Variants in PHKB observed in about 807,000 individuals in gnomAD.
PHKB encodes phosphorylase b kinase regulatory subunit beta.
PHKB carries 122 observed loss-of-function variants against 152.1 expected under a neutral mutation model. The observed-to-expected ratio is 0.80, with a 90% CI of 0.69 to 0.93. PHKB has a LOEUF of 0.93. Ranked by LOEUF, PHKB falls within the 40% of genes least tolerant of loss-of-function variation. PHKB has a pLI of 0.00. For synonymous variants in PHKB, 436 were observed against 464.9 expected (o/e 0.94, Z 0.80); for missense variants, 1,304 against 1,328.4 (o/e 0.98, Z 0.29).
At chr16:47,693,727 G>T (rs901917340) in intron 28 of PHKB, among the ~76,000 whole-genome samples, 3 of 152,026 alleles carry the variant, frequency 2.0e-5, no homozygotes, top group Non-Finnish European at 4.4e-5. Flanking sequence ...GTCCCTGTAG[G>T]CAGAAAAGGC....
At position 47,645,650 on chromosome 16, in the gene PHKB, T is replaced by A. The variant is rs1034204015; in HGVS notation, c.1609-2883T>A. Among the ~76,000 whole-genome samples the A allele has an allele frequency of 3.2e-4, 49 of 151,958 alleles. No individual in the cohort carries two copies. In the Middle Eastern group the frequency reaches 0.02, roughly 63 times the overall value. On this transcript the variant is annotated intron_variant, in intron 16 of 30. Coordinates refer to ENST00000323584, the MANE Select transcript of PHKB (RefSeq NM_000293.3). ...TATAGTTTGAAGTCAGGTAGTGTGATGCCTCCAGCTTTGTTCTTTTGGCTT... is the reference window on the plus strand; with the variant it reads ...TATAGTTTGAAGTCAGGTAGTGTGAAGCCTCCAGCTTTGTTCTTTTGGCTT...
chr16:47,652,400 T>C (rs1170611843), intron 20 of PHKB, among the ~76,000 whole-genome samples: 3 of 147,446 alleles, frequency 2.0e-5, no homozygotes, highest in African/African-American at 7.6e-5. Context: ...TTTTTTTTAA[T>C]ACATACACAG....
intron 25 of PHKB, chr16:47,665,867 A>G (rs748522298): frequency 1.0e-6 from 1 of 976,460 alleles, no homozygotes; most frequent in Non-Finnish European, 1.7e-6. Context: ...TTTAAAGACT[A>G]CCCAATCAGG....
At chr16:47,680,141 C>G (rs1973820766) in intron 26 of PHKB, among the ~76,000 whole-genome samples, 4 of 152,126 alleles carry the variant, frequency 2.6e-5, no homozygotes, top group Non-Finnish European at 4.4e-5. Context: ...GGTTGATAGG[C>G]TTTTTGATGT....
intron 13 of PHKB, among the ~76,000 whole-genome samples, chr16:47,605,662 A>AAGTT (rs1168772383): frequency 1.3e-5 from 2 of 152,184 alleles, no homozygotes; most frequent in African/African-American, 4.8e-5. Context: ...TAGTACATTA[A>AAGTT]AGTTATATGT....
At chr16:47,634,788 AT>A (rs1030224974) in intron 14 of PHKB, among the ~76,000 whole-genome samples, 1 of 152,194 alleles carries the variant, frequency 6.6e-6, no homozygotes, top group Non-Finnish European at 1.5e-5. Flanking sequence ...AGAAGGGAGA[AT>A]AAGAAAGCAG....
In PHKB at chr16:47,502,906, ATAGT is replaced by A; in HGVS notation, c.306-82_306-79del. 5 of 831,052 alleles carry A rather than the reference ATAGT, an allele frequency of 6.0e-6. No homozygotes were observed. The South Asian group carries it at 7.1e-5, about 12-fold the overall frequency. 51.5% of individuals were successfully genotyped at this position (831,052 alleles called of 1,614,324 possible). ...ATCACCAGAACACAGGATTAGCCAG[ATAGT>A]TAAATACTTAATTATCAAAAGCTCT... On this transcript the variant is annotated intron_variant, in intron 3 of 30. Coordinates refer to ENST00000323584, the MANE Select transcript of PHKB (RefSeq NM_000293.3).
intron 1 of PHKB, among the ~76,000 whole-genome samples, chr16:47,464,658 A>G (rs1474344641): frequency 2.0e-5 from 3 of 152,186 alleles, no homozygotes; most frequent in African/African-American, 7.2e-5. Flanking sequence ...TTACCTATGC[A>G]TTCCCATTAG....
At chr16:47,604,807 T>G (rs1164937201) in intron 13 of PHKB, among the ~76,000 whole-genome samples, 2 of 152,210 alleles carry the variant, frequency 1.3e-5, no homozygotes, top group Admixed American at 1.3e-4. Context: ...TTAATTCCTA[T>G]TTTCTAAGGA....
intron 16 of PHKB, among the ~76,000 whole-genome samples, chr16:47,645,531 C>T (rs1344117954): frequency 5.0e-4 from 67 of 133,784 alleles, no homozygotes; most frequent in African/African-American, 8.5e-5. Context: ...TGTAGATATG[C>T]GGCATTATTT....
chr16:47,569,190 A>G (rs1160207105), intron 7 of PHKB, among the ~76,000 whole-genome samples: 2 of 152,230 alleles, frequency 1.3e-5, no homozygotes, highest in Non-Finnish European at 2.9e-5. Context: ...TTTGATGACT[A>G]TGGGTGCTCC....
chr16:47,598,515 C>T (rs951118213), intron 13 of PHKB: 9 of 592,404 alleles, frequency 1.5e-5, no homozygotes, highest in African/African-American at 3.7e-5. Flanking sequence ...ACCATAATCA[C>T]CAATTTTAAC....
chr16:47,490,587 A>G (rs1970131779), intron 1 of PHKB, among the ~76,000 whole-genome samples: 2 of 152,202 alleles, frequency 1.3e-5, no homozygotes, highest in African/African-American at 4.8e-5. Flanking sequence ...AGCCTTCCAA[A>G]AGCCAGGTAT....
intron 14 of PHKB, among the ~76,000 whole-genome samples, chr16:47,636,358 G>C (rs1205526970): frequency 1.3e-5 from 2 of 152,350 alleles, no homozygotes; most frequent in East Asian, 3.9e-4. Flanking sequence ...CACACTTCAT[G>C]GAGCCAGAGG....
Position 47,497,431 on chromosome 16 carries a change from C to A in PHKB, c.109C>A (p.Leu37Ile). 1 of 1,608,702 alleles carries A rather than the reference C, an allele frequency of 6.2e-7. No individual in the cohort carries two copies. Among genetic ancestry groups the A allele is most frequent in the Non-Finnish European group, 8.5e-7 (1 of 1,177,200 alleles). ...TTATGAACCTCTTAAAAGCATTAAT[C>A]TTCCAAGACCTGATAATGAAACTCT... is the stretch of plus-strand genomic sequence containing the variant. Reference protein sequence around the residue: ...SVYEPLKSINLPRPDNETLWD... With the variant: ...SVYEPLKSINIPRPDNETLWD... The change falls in exon 2 of 31, where the codon CTT (leucine) becomes ATT (isoleucine). Residue 37 changes from leucine to isoleucine, a missense_variant. Coordinates refer to ENST00000323584, the MANE Select transcript of PHKB (RefSeq NM_000293.3).
At chr16:47,529,965 CAT>C (rs975635058) in intron 6 of PHKB, 3 of 152,038 alleles carry the variant, frequency 2.0e-5, no homozygotes, top group Non-Finnish European at 4.4e-5. Context: ...GTGCATAAAA[CAT>C]ATTTGGCAAA....
chr16:47,595,977 G>A (rs528385449), intron 12 of PHKB, among the ~76,000 whole-genome samples: 48 of 152,282 alleles, frequency 3.2e-4, no homozygotes, highest in Admixed American at 1.3e-3. Flanking sequence ...TTTTGGGAAA[G>A]ACAGTAATTT....
At chr16:47,540,828 T>G (rs1020922859) in intron 6 of PHKB, among the ~76,000 whole-genome samples, 4 of 142,942 alleles carry the variant, frequency 2.8e-5, no homozygotes, top group Non-Finnish European at 4.6e-5. Flanking sequence ...TGTTTTTTTT[T>G]TTTTTTTTTT....
At chr16:47,671,210 T>A (rs1973632306) in intron 26 of PHKB, among the ~76,000 whole-genome samples, 2 of 152,250 alleles carry the variant, frequency 1.3e-5, no homozygotes, top group Non-Finnish European at 2.9e-5. Flanking sequence ...CATTATTAGC[T>A]TGCTATATTG....
Sources: allele counts gnomAD v4.1 joint callset (sites outside exome capture counted in the v4.1 genomes callset), GRCh38; gene constraint gnomAD v4.1.1; transcripts MANE v1.5; gene names NCBI Gene and HGNC (gene_info 2026-07-23, HGNC 2026-07-21).